NELL1: variants seen among roughly 807,000 people sequenced by gnomAD.
NELL1 encodes neural EGFL like 1.
Under a neutral mutation model 107.4 loss-of-function variants are expected in NELL1, and 76 were observed. The observed-to-expected ratio is 0.71, with a 90% CI of 0.59 to 0.86. The LOEUF is 0.86. NELL1 is among the 40% of genes least tolerant of loss of function. The pLI, the probability that NELL1 is intolerant of heterozygous loss-of-function variation, is 0.00. For missense variants in NELL1, 1,024 were observed against 1,005.5 expected, an observed-to-expected ratio of 1.02 and a Z score of -0.25; for synonymous variants, 353 against 341.2, an observed-to-expected ratio of 1.03 and a Z score of -0.38.
chr11:20,960,606 A>G, intron 12 of NELL1, 46 bp downstream of exon 12: 1 of 1,607,958 alleles, frequency 6.2e-7, no homozygotes, highest in Non-Finnish European at 8.5e-7. Context: ...GTTGACTGAG[A>G]AGTGTATGCC....
chr11:20,997,832 G>T (rs1420845768), intron 12 of NELL1, among the ~76,000 whole-genome samples: 1 of 151,914 alleles, frequency 6.6e-6, no homozygotes, highest in African/African-American at 2.4e-5. Flanking sequence ...AAATTAGCTG[G>T]GTGTGATGGT....
intron 15 of NELL1, among the ~76,000 whole-genome samples, chr11:21,379,847 A>G (rs926164665): frequency 2.0e-5 from 3 of 152,054 alleles, no homozygotes; most frequent in African/African-American, 7.2e-5. Flanking sequence ...GCTCTTTCAT[A>G]TTTTATATCT....
chr11:21,507,151 T>G (rs1448276411), intron 15 of NELL1, among the ~76,000 whole-genome samples: 1 of 152,232 alleles, frequency 6.6e-6, no homozygotes, highest in Non-Finnish European at 1.5e-5. Flanking sequence ...ACTGCTGAAC[T>G]CCTTCAATCA....
intron 12 of NELL1, among the ~76,000 whole-genome samples, chr11:21,065,509 G>C (rs988236758): frequency 2.6e-5 from 4 of 152,102 alleles, no homozygotes; most frequent in Admixed American, 2.6e-4. Flanking sequence ...CTGAAAAAAA[G>C]ACACAAAACA....
chr11:20,708,295 G>A (rs542958186), intron 2 of NELL1, among the ~76,000 whole-genome samples: 1 of 152,322 alleles, frequency 6.6e-6, no homozygotes, highest in South Asian at 2.1e-4. Flanking sequence ...GCACTTCCCG[G>A]GTGAGGCGAT....
chr11:21,536,524 C>G (rs930005628), intron 16 of NELL1, among the ~76,000 whole-genome samples: 1 of 152,134 alleles, frequency 6.6e-6, no homozygotes, highest in Non-Finnish European at 1.5e-5. Flanking sequence ...CTCCTTTCTT[C>G]TGCTAACTCT....
intron 2 of NELL1, among the ~76,000 whole-genome samples, chr11:20,698,160 A>G (rs1473695075): frequency 6.6e-6 from 1 of 152,220 alleles, no homozygotes; most frequent in Non-Finnish European, 1.5e-5. Flanking sequence ...TGTCTCCCAA[A>G]TAGAAGTGTT....
intron 14 of NELL1, among the ~76,000 whole-genome samples, chr11:21,295,746 A>G (rs1454659113): frequency 1.3e-5 from 2 of 152,058 alleles, no homozygotes; most frequent in Admixed American, 6.6e-5. Flanking sequence ...TCAGTGTGGT[A>G]AATTGTTCTT....
intron 4 of NELL1, among the ~76,000 whole-genome samples, chr11:20,879,691 TC>T (rs1849371805): frequency 6.6e-6 from 1 of 152,188 alleles, no homozygotes; most frequent in African/African-American, 2.4e-5. Flanking sequence ...CTATTTCCAA[TC>T]TTATGTGAGT....
chr11:20,782,538 T>C (rs1438320198), intron 2 of NELL1, among the ~76,000 whole-genome samples: 1 of 152,236 alleles, frequency 6.6e-6, no homozygotes, highest in Non-Finnish European at 1.5e-5. Context: ...AGGTCAAGAA[T>C]TGAAGGATAT....
chr11:21,079,705 A>T (rs1172565127), intron 12 of NELL1, among the ~76,000 whole-genome samples: 1 of 152,110 alleles, frequency 6.6e-6, no homozygotes, highest in East Asian at 1.9e-4. Flanking sequence ...CTATATGCCA[A>T]ACTTCCACAT....
At chr11:20,735,832 G>T (rs779243387) in intron 2 of NELL1, among the ~76,000 whole-genome samples, 5 of 152,124 alleles carry the variant, frequency 3.3e-5, no homozygotes, top group Admixed American at 6.5e-5. Flanking sequence ...GTTTTGGAAG[G>T]GGAGTTTTTT....
intron 2 of NELL1, among the ~76,000 whole-genome samples, chr11:20,694,704 A>T (rs1176222841): frequency 6.6e-6 from 1 of 152,064 alleles, no homozygotes; most frequent in Non-Finnish European, 1.5e-5. Flanking sequence ...TAGAAAATAT[A>T]GAAGTGGGGT....
Position 20,871,951 on chromosome 11 carries a change from G to A in NELL1, c.507-13493G>A, listed in dbSNP as rs190540934. Among the ~76,000 whole-genome samples the A allele has an allele frequency of 9.0e-3, 1,288 of 143,558 alleles. 23 individuals are homozygous for A. Among genetic ancestry groups the A allele is most frequent in the African/African-American group, 0.03 (1,204 of 40,236 alleles). The allele number at this position is 143,558 out of a possible 152,430, so 94.2% of individuals were successfully genotyped here. A position where few individuals can be genotyped will look rare whatever the true frequency, so the allele number is the denominator to read the frequency against. On this transcript the variant is annotated intron_variant, in intron 4 of 19. Coordinates refer to ENST00000357134, the MANE Select transcript of NELL1 (RefSeq NM_006157.5). ...GGAGAATGGCATGAACCTGGGAGGCGGAGCTTGCAGTGAGCCAAGATCGTG... is the reference window on the plus strand; with the variant it reads ...GGAGAATGGCATGAACCTGGGAGGCAGAGCTTGCAGTGAGCCAAGATCGTG...
chr11:20,710,073 C>A (rs1855073414), intron 2 of NELL1, among the ~76,000 whole-genome samples: 1 of 152,194 alleles, frequency 6.6e-6, no homozygotes, highest in East Asian at 1.9e-4. Flanking sequence ...CTGGCTAGGA[C>A]TTCCAGTACT....
chr11:20,900,906 A>G (rs1849858265), intron 5 of NELL1, among the ~76,000 whole-genome samples: 1 of 152,134 alleles, frequency 6.6e-6, no homozygotes, highest in Non-Finnish European at 1.5e-5. Flanking sequence ...CAGAAAAGGC[A>G]CTAGAAGAAA....
intron 13 of NELL1, among the ~76,000 whole-genome samples, chr11:21,173,871 G>T (rs1400554792): frequency 6.6e-6 from 1 of 151,610 alleles, no homozygotes; most frequent in Non-Finnish European, 1.5e-5. Flanking sequence ...CAGATTTCAG[G>T]AGTTTTCTTA....
intron 14 of NELL1, among the ~76,000 whole-genome samples, chr11:21,369,610 G>C (rs1035033101): frequency 6.6e-6 from 1 of 152,016 alleles, no homozygotes; most frequent in Non-Finnish European, 1.5e-5. Context: ...GGCTTTTGAA[G>C]TTACACTCAT....
At chr11:21,116,646 TAACTCCTTCCTCTCCCCAG>T in intron 13 of NELL1, among the ~76,000 whole-genome samples, 1 of 152,098 alleles carries the variant, frequency 6.6e-6, no homozygotes, top group South Asian at 2.1e-4. Context: ...AATGTAGAGA[TAACTCCTTCCTCTCCCCAG>T]GGGTTACACT....
Sources: allele counts gnomAD v4.1 joint callset (sites outside exome capture counted in the v4.1 genomes callset), GRCh38; gene constraint gnomAD v4.1.1; transcripts MANE v1.5; gene names NCBI Gene and HGNC (gene_info 2026-07-23, HGNC 2026-07-21).